The following WDR49 variants were observed in gnomAD, a reference collection of about 807,000 sequenced individuals.
WDR49 encodes the protein cilia- and flagella-associated protein 337.
A neutral mutation model predicts 119.5 loss-of-function variants in WDR49; 107 were observed. The ratio of observed to expected loss-of-function variants is 0.90; its 90% CI spans 0.77 to 1.05. The LOEUF is 1.05. Ranked by LOEUF, WDR49 falls within the 50% of genes least tolerant of loss-of-function variation. The pLI, the probability that WDR49 is intolerant of heterozygous loss-of-function variation, is 0.00. For synonymous variants in WDR49, 425 were observed against 418.8 expected, an observed-to-expected ratio of 1.01 and a Z score of -0.18; for missense variants, 1,240 against 1,220.5, an observed-to-expected ratio of 1.02 and a Z score of -0.24.
At chr3:167,557,242 T>C (rs1394473526) in intron 9 of WDR49, among the ~76,000 whole-genome samples, 1 of 152,058 alleles carries the variant, frequency 6.6e-6, no homozygotes, top group Non-Finnish European at 1.5e-5. Flanking sequence ...TTTAAAAATT[T>C]AGCTTCTAGA....
chr3:167,481,142 C>A (rs1577186039), intron 18 of WDR49, among the ~76,000 whole-genome samples: 1 of 150,484 alleles, frequency 6.6e-6, no homozygotes, highest in East Asian at 1.9e-4. Context: ...AGCATGAACA[C>A]AAACTTATAT....
intron 2 of WDR49, among the ~76,000 whole-genome samples, chr3:167,650,729 C>T (rs1472431674): frequency 6.6e-6 from 1 of 152,090 alleles, no homozygotes; most frequent in African/African-American, 2.4e-5. Context: ...TCAGAGGTCA[C>T]ATGGTTTAAC....
At position 167,529,096 on chromosome 3, in the gene WDR49, T is replaced by C. The variant is rs1752747917; in HGVS notation, c.2362A>G (p.Thr788Ala). The C allele has an allele frequency of 5.6e-6, 9 of 1,603,384 alleles. No homozygotes were observed. Among genetic ancestry groups the C allele is most frequent in the Non-Finnish European group, 7.6e-6 (9 of 1,176,858 alleles). Residue 788 changes from threonine to alanine, a missense_variant, in exon 14 of 19, where the codon ACC (threonine) becomes GCC (alanine). Physicochemically the swap from Thr to Ala is moderately conservative, Grantham distance 58. Coordinates refer to ENST00000682715, the MANE Select transcript of WDR49 (RefSeq NM_001366157.1). ...AACCATCCATCAAGATCTCCTGTGGTAAGGTATCGATTCATCTTATCAGTA... is the reference window on the plus strand; with the variant it reads ...AACCATCCATCAAGATCTCCTGTGGCAAGGTATCGATTCATCTTATCAGTA... ...MSTDKMNRYLTTGDLDGWLKI... is the reference protein window; with the variant it reads ...MSTDKMNRYLATGDLDGWLKI...
At chr3:167,498,953 C>T (rs1290924579) in intron 18 of WDR49, among the ~76,000 whole-genome samples, 3 of 152,104 alleles carry the variant, frequency 2.0e-5, no homozygotes, top group Non-Finnish European at 4.4e-5. Context: ...ACTCAACATG[C>T]CAAAGTGGCA....
chr3:167,612,569 A>G (rs1716390746), intron 5 of WDR49, among the ~76,000 whole-genome samples: 1 of 152,142 alleles, frequency 6.6e-6, no homozygotes, highest in Non-Finnish European at 1.5e-5. Context: ...ACAAAGCTTT[A>G]GCCAGATTAA....
chr3:167,527,896 A>G lies in WDR49; in HGVS notation c.2528T>C (p.Leu843Pro). 1 of 1,613,288 alleles carries G rather than the reference A, an allele frequency of 6.2e-7. No homozygotes were observed. Among genetic ancestry groups the G allele is most frequent in the South Asian group, 1.1e-5 (1 of 91,034 alleles). ...GCAGTCTGCAGAGGAGGAGATAATC[A>G]GTAACTGACCACCTGGCTCACACAT... ...LEMCEPGGQLLIISSSADCSI... is the reference protein window; with the variant it reads ...LEMCEPGGQLPIISSSADCSI... Residue 843 changes from leucine to proline, a missense_variant, in exon 15 of 19, where the codon CTG becomes CCG. Transcript: ENST00000682715.
Position 167,566,219 on chromosome 3 carries a change from C to A in WDR49, c.1510-5991G>T, listed in dbSNP as rs527781150. Among the ~76,000 whole-genome samples the A allele has an allele frequency of 1.8e-3, 279 of 152,248 alleles. 1 individual carries two copies. The highest frequency in any genetic ancestry group is 6.5e-3 in the African/African-American group (269 of 41,526). ...TTACAGATGTAAATATTCTCTGCCC[C>A]AATAATTCTAACTATAGGAATTTAT... On this transcript the variant is annotated intron_variant, in intron 8 of 18. Coordinates refer to ENST00000682715, the MANE Select transcript of WDR49 (RefSeq NM_001366157.1).
chr3:167,605,040 G>A (rs1422764520), intron 5 of WDR49, among the ~76,000 whole-genome samples: 3 of 150,584 alleles, frequency 2.0e-5, no homozygotes, highest in Non-Finnish European at 4.4e-5. Flanking sequence ...GTGTGTGTGT[G>A]TGTGTGTACA....
chr3:167,604,353 G>A lies in WDR49; in HGVS notation c.1074C>T (p.Asn358=). 1 of 1,613,818 alleles carries A rather than the reference G, an allele frequency of 6.2e-7. No homozygotes were observed. Among genetic ancestry groups the A allele is most frequent in the East Asian group, 2.2e-5 (1 of 44,844 alleles). ...CAAAAGCATGAATGCCCTGGGCAAT[G>A]TTGAAGGATGTCATATTAAGACGCT... ...SKKRLNMTSF[N]IAQGIHAFDY... is the part of the protein sequence containing the mutation. The change falls in exon 6 of 19, where the codon AAC becomes AAT. Residue 358 remains asparagine (N), a synonymous_variant. Transcript: ENST00000682715.
intron 7 of WDR49, among the ~76,000 whole-genome samples, chr3:167,576,908 C>T (rs1360446687): frequency 6.6e-6 from 1 of 151,334 alleles, no homozygotes; most frequent in African/African-American, 2.4e-5. Context: ...TGTGTAGATA[C>T]ATGTATCTAT....
intron 7 of WDR49, 28 bp downstream of exon 7, chr3:167,602,099 A>C: frequency 3.9e-6 from 6 of 1,547,414 alleles, no homozygotes; most frequent in Non-Finnish European, 5.3e-6. Context: ...AGCAAAACTA[A>C]ATTAATTAAA....
At chr3:167,514,523 T>A (rs936740261) in intron 16 of WDR49, among the ~76,000 whole-genome samples, 12 of 151,332 alleles carry the variant, frequency 7.9e-5, no homozygotes, top group Admixed American at 1.3e-4. Context: ...CAAATCAACA[T>A]CCTAACATCA....
chr3:167,625,131 AT>A (rs1373442603), intron 3 of WDR49, among the ~76,000 whole-genome samples: 1 of 152,102 alleles, frequency 6.6e-6, no homozygotes, highest in Non-Finnish European at 1.5e-5. Context: ...TAGAGCATAC[AT>A]TTTCCCACTA....
intron 7 of WDR49, among the ~76,000 whole-genome samples, chr3:167,591,411 T>G (rs1715099383): frequency 6.6e-6 from 1 of 152,130 alleles, no homozygotes; most frequent in Admixed American, 6.6e-5. Context: ...TATAAATATC[T>G]ATTAGGTCCA....
intron 12 of WDR49, among the ~76,000 whole-genome samples, chr3:167,532,002 A>C (rs1752867948): frequency 1.3e-5 from 2 of 152,148 alleles, no homozygotes; most frequent in African/African-American, 4.8e-5. Context: ...CAGAATTCCA[A>C]CCTCCTCATG....
At chr3:167,598,846 T>A (rs569665462) in intron 7 of WDR49, among the ~76,000 whole-genome samples, 4 of 152,142 alleles carry the variant, frequency 2.6e-5, no homozygotes, top group African/African-American at 9.7e-5. Context: ...CTCATAAAGG[T>A]CCCAGTTTGG....
At chr3:167,525,628 G>T (rs546248628) in intron 15 of WDR49, among the ~76,000 whole-genome samples, 1 of 152,142 alleles carries the variant, frequency 6.6e-6, no homozygotes, top group East Asian at 1.9e-4. Context: ...GGGCACTGAA[G>T]AATTTCAAGC....
At position 167,500,313 on chromosome 3, in the gene WDR49, G is replaced by A; in HGVS notation, c.2885-14C>T. On this transcript the variant is annotated splice_polypyrimidine_tract_variant and intron_variant, in intron 17 of 18. Coordinates refer to ENST00000682715, the MANE Select transcript of WDR49 (RefSeq NM_001366157.1). ...ACCTAAATGTACCTTCACAACAGCAGGTTTTAGAGGAAGACAGGGAGAAAA... is the reference window on the plus strand; with the variant it reads ...ACCTAAATGTACCTTCACAACAGCAAGTTTTAGAGGAAGACAGGGAGAAAA... 6.2e-7 allele frequency: 1 copy of A among 1,604,008 alleles called. No individual in the cohort carries two copies. Among genetic ancestry groups the A allele is most frequent in the Non-Finnish European group, 8.5e-7 (1 of 1,176,922 alleles).
chr3:167,524,064 T>G (rs1376037970), intron 15 of WDR49, among the ~76,000 whole-genome samples: 2 of 152,198 alleles, frequency 1.3e-5, no homozygotes, highest in Non-Finnish European at 2.9e-5. Context: ...ATCTGTTGTT[T>G]CCAGACTTTT....
Sources: gnomAD v4.1 joint callset for allele counts (sites outside exome capture counted in the v4.1 genomes callset) on GRCh38, gnomAD v4.1.1 for gene constraint, MANE v1.5 for transcripts, NCBI Gene and HGNC (gene_info 2026-07-23, HGNC 2026-07-21) for gene names.